The following NOC3L variants were observed in gnomAD, a reference collection of about 807,000 sequenced individuals.
The protein encoded by NOC3L is nucleolar complex protein 3 homolog.
NOC3L carries 85 observed loss-of-function variants against 102.5 expected under a neutral mutation model. That is an observed-to-expected ratio of 0.83 (90% CI 0.70 to 0.99). The LOEUF is 0.99. Among genes scored for constraint, NOC3L ranks in the 50% least tolerant of loss-of-function variants. NOC3L has a pLI of 0.00. For synonymous variants in NOC3L, 303 were observed against 309.4 expected (o/e 0.98, Z 0.22); for missense variants, 878 against 914.9 (o/e 0.96, Z 0.52).
Position 94,357,986 on chromosome 10 carries a change from C to A in NOC3L, c.350+97G>T, listed in dbSNP as rs557253884. The A allele has an allele frequency of 2.5e-5, 19 of 757,586 alleles. No homozygotes were observed. In the South Asian group the frequency reaches 2.8e-4, roughly 11 times the overall value. 46.9% of individuals were successfully genotyped at this position (757,586 alleles called of 1,614,324 possible). On this transcript the variant is annotated intron_variant, in intron 3 of 20. Coordinates refer to ENST00000371361, the MANE Select transcript of NOC3L (RefSeq NM_022451.11). ...TACTTTATTCTTTGTAAACATTGTG[C>A]TCAAAGGTGAACACCTTGAACCACC... is the stretch of plus-strand genomic sequence containing the variant.
chr10:94,326,672 GC>G, the NOC3L span, among the ~76,000 whole-genome samples: 1 of 152,150 alleles, frequency 6.6e-6, no homozygotes, highest in African/African-American at 2.4e-5. Flanking sequence ...AATGAACATT[GC>G]TAATTGCTTA....
chr10:94,341,110 C>T (rs577074719), intron 14 of NOC3L, among the ~76,000 whole-genome samples: 155 of 151,894 alleles, frequency 1.0e-3, no homozygotes, highest in Admixed American at 2.8e-3. Flanking sequence ...AAGGTCAAGG[C>T]TGCAGTGAGC....
intron 2 of NOC3L, among the ~76,000 whole-genome samples, chr10:94,360,211 G>A (rs2054536706): frequency 6.6e-6 from 1 of 152,272 alleles, no homozygotes; most frequent in African/African-American, 2.4e-5. Context: ...AGCTACTCGG[G>A]AGGCTAAGGC....
At chr10:94,340,525 G>T (rs1369981730) in intron 14 of NOC3L, 29 bp from the exon 15 acceptor site, 8 of 1,000,676 alleles carry the variant, frequency 8.0e-6, no homozygotes, top group Admixed American at 2.0e-5. Context: ...GGGGTGAGGG[G>T]GATGGAATAT....
chr10:94,344,842 A>T lies in NOC3L; in HGVS notation c.1470+11T>A. 4 of 1,578,472 alleles carry T rather than the reference A, an allele frequency of 2.5e-6. No individual in the cohort carries two copies. Among genetic ancestry groups the T allele is most frequent in the Non-Finnish European group, 3.4e-6 (4 of 1,163,422 alleles). ...CATTTTAAAAGCATAACAGAATATG[A>T]AACTGCCTACCAGTTTAAGTTTTTT... On this transcript the variant is annotated intron_variant, in intron 12 of 20. Transcript: ENST00000371361.
At chr10:94,341,123 T>TG in intron 14 of NOC3L, among the ~76,000 whole-genome samples, 1 of 151,778 alleles carries the variant, frequency 6.6e-6, no homozygotes, top group Non-Finnish European at 1.5e-5. Flanking sequence ...CAGTGAGCTG[T>TG]GATTGCACCA....
the NOC3L span, chr10:94,324,522 G>A: frequency 6.2e-7 from 1 of 1,614,180 alleles, no homozygotes; most frequent in Non-Finnish European, 8.5e-7. Context: ...AAAGCAAGTG[G>A]AAAGGTGCAG....
chr10:94,323,043 A>C, the NOC3L span, among the ~76,000 whole-genome samples: 2 of 152,196 alleles, frequency 1.3e-5, no homozygotes, highest in Non-Finnish European at 2.9e-5. Context: ...GTGAGTTTGG[A>C]TCTCTATAAA....
chr10:94,324,869 T>C, the NOC3L span: 17 of 1,611,762 alleles, frequency 1.1e-5, no homozygotes, highest in African/African-American at 2.7e-5. Context: ...CTAACACCAA[T>C]GGAAGGTTCT....
At chr10:94,352,269 G>T in intron 8 of NOC3L, 41 bp downstream of exon 8, 1 of 1,326,110 alleles carries the variant, frequency 7.5e-7, no homozygotes, top group Non-Finnish European at 1.1e-6. Flanking sequence ...TCATGATCAA[G>T]GCTAAGTATG....
intron 6 of NOC3L, among the ~76,000 whole-genome samples, chr10:94,354,377 A>G (rs2054457786): frequency 6.6e-6 from 1 of 152,172 alleles, no homozygotes; most frequent in South Asian, 2.1e-4. Flanking sequence ...TTTTTTAGAG[A>G]TGAAAGAGTC....
At chr10:94,357,959 A>G in intron 3 of NOC3L, 124 bp downstream of exon 3, 1 of 678,314 alleles carries the variant, frequency 1.5e-6, no homozygotes, top group East Asian at 2.5e-5. Flanking sequence ...TAAGCTAAAT[A>G]ATACTTTATT....
At chr10:94,331,928 G>A (rs921773468), downstream of NOC3L, 3 of 148,630 alleles carry the variant, frequency 2.0e-5, no homozygotes, top group African/African-American at 7.5e-5. Flanking sequence ...CTGGAGTGCA[G>A]TGGTACGATC....
At chr10:94,344,703 C>A (rs552084850) in intron 12 of NOC3L, 150 bp downstream of exon 12, 2 of 683,948 alleles carry the variant, frequency 2.9e-6, no homozygotes, top group Non-Finnish European at 4.9e-6. Flanking sequence ...TAGCACTGAT[C>A]ACATCACAGT....
chr10:94,330,861 A>G (rs1484694470), downstream of NOC3L: 1 of 152,248 alleles, frequency 6.6e-6, no homozygotes, highest in Non-Finnish European at 1.5e-5. Flanking sequence ...GACTATACCC[A>G]TTACCATTTC....
At chr10:94,326,987 C>T in the NOC3L span, among the ~76,000 whole-genome samples, 5 of 151,910 alleles carry the variant, frequency 3.3e-5, no homozygotes, top group Admixed American at 6.6e-5. Context: ...GGTGAAACCC[C>T]GTCTCTACTA....
At chr10:94,331,486 T>C (rs543214160), downstream of NOC3L, 1 of 152,348 alleles carries the variant, frequency 6.6e-6, no homozygotes, top group African/African-American at 2.4e-5. Flanking sequence ...TCCACATCTA[T>C]GCTCCCATGC....
intron 9 of NOC3L, 82 bp from the exon 10 acceptor site, chr10:94,349,460 TA>T: frequency 7.8e-7 from 1 of 1,279,832 alleles, no homozygotes; most frequent in Non-Finnish European, 1.1e-6. Context: ...TTCTTTGTTG[TA>T]GGGGGACTGT....
the NOC3L span, chr10:94,327,863 G>T: frequency 2.6e-6 from 1 of 378,876 alleles, no homozygotes; most frequent in Non-Finnish European, 5.6e-6. Flanking sequence ...CCCAAACCTA[G>T]CCACTAGAGC....
Sources: allele counts gnomAD v4.1 joint callset (sites outside exome capture counted in the v4.1 genomes callset), GRCh38; gene constraint gnomAD v4.1.1; transcripts MANE v1.5; gene names NCBI Gene and HGNC (gene_info 2026-07-23, HGNC 2026-07-21).